The following KNOP1 variants were observed in gnomAD, a reference collection of about 807,000 sequenced individuals.
KNOP1 encodes lysine rich nucleolar protein 1.
KNOP1 carries 20 observed loss-of-function variants against 30.6 expected under a neutral mutation model. The ratio of observed to expected loss-of-function variants is 0.65; its 90% CI spans 0.46 to 0.95. The LOEUF (loss-of-function observed/expected upper bound fraction) is 0.95. Among genes scored for constraint, KNOP1 ranks in the 40% least tolerant of loss-of-function variants. KNOP1 has a pLI of 0.00. For synonymous variants in KNOP1, 204 were observed against 210.0 expected (o/e 0.97, Z 0.25); for missense variants, 540 against 562.0 (o/e 0.96, Z 0.40).
At chr16:19,711,179 G>T (rs1298285206) in intron 3 of KNOP1, among the ~76,000 whole-genome samples, 193 bp downstream of exon 3, 2 of 152,228 alleles carry the variant, frequency 1.3e-5, no homozygotes, top group Non-Finnish European at 2.9e-5. Flanking sequence ...CAGCCGGAAG[G>T]GCCCCCAGCA....
intron 4 of KNOP1, 91 bp from the exon 5 acceptor site, chr16:19,707,312 G>T: frequency 2.0e-6 from 2 of 1,001,816 alleles, no homozygotes; most frequent in Non-Finnish European, 3.0e-6. Flanking sequence ...GGGCCCAGCA[G>T]ATTAGATGGC....
chr16:19,713,047 C>A (rs1976800148), intron 2 of KNOP1, among the ~76,000 whole-genome samples: 1 of 152,200 alleles, frequency 6.6e-6, no homozygotes, highest in Non-Finnish European at 1.5e-5. Context: ...TGCCTCCCCG[C>A]ATCTCAGACG....
At chr16:19,711,784 C>T (rs1361203196) in intron 2 of KNOP1, 11 of 343,174 alleles carry the variant, frequency 3.2e-5, no homozygotes, top group Middle Eastern at 9.7e-4. Flanking sequence ...CCACTACACA[C>T]GTCACCTACC....
At chr16:19,707,693 C>G (rs1288391145) in intron 4 of KNOP1, among the ~76,000 whole-genome samples, 1 of 121,310 alleles carries the variant, frequency 8.2e-6, no homozygotes, top group African/African-American at 3.2e-5. Flanking sequence ...CAGCACACTC[C>G]CCCACCACTC....
intron 2 of KNOP1, among the ~76,000 whole-genome samples, chr16:19,713,104 T>TA (rs1976804831): frequency 6.9e-6 from 1 of 145,666 alleles, no homozygotes; most frequent in Admixed American, 6.8e-5. Context: ...TCACCTCAAG[T>TA]TTTTTTTTTT....
rs1976934633 is a variant in KNOP1 at position 19,714,885 on chromosome 16, T to TA, written c.150dup (p.Lys51Ter). On this transcript the variant is annotated frameshift_variant, in exon 2 of 5. Coordinates refer to ENST00000219837, the MANE Select transcript of KNOP1 (RefSeq NM_001012991.3). LOFTEE classifies it high-confidence loss of function. Reference sequence around the variant, plus strand: ...GGTGCCTGCCCATGGGCCACACTCTTAGAGGGGGATGTAGCTCTTAAAGGA... The same window carrying TA: ...GGTGCCTGCCCATGGGCCACACTCTTAAGAGGGGGATGTAGCTCTTAAAGGA... 1 of 1,613,924 alleles carries TA rather than the reference T, an allele frequency of 6.2e-7. No individual in the cohort carries two copies. The highest frequency in any genetic ancestry group is 8.5e-7 in the Non-Finnish European group (1 of 1,179,972).
At chr16:19,717,209 G>A in intron 1 of KNOP1, 1 of 593,006 alleles carries the variant, frequency 1.7e-6, no homozygotes, top group Non-Finnish European at 2.1e-6. Context: ...TATATTTAGG[G>A]TTCGGTACTG....
intron 4 of KNOP1, among the ~76,000 whole-genome samples, chr16:19,708,878 C>T (rs545177014): frequency 9.9e-5 from 15 of 152,264 alleles, no homozygotes; most frequent in Non-Finnish European, 1.5e-4. Context: ...GCTGGTCCTG[C>T]GTGAACCAGC....
rs781130645 is a variant in KNOP1, at chr16:19,710,592, CAAG to C, written c.988-9_988-7del. 47 of 1,611,172 alleles carry C rather than the reference CAAG, an allele frequency of 2.9e-5. No individual in the cohort carries two copies. In the South Asian group the frequency reaches 4.7e-4, roughly 16 times the overall value. ...TGCAAGGCCTTTCGCCTCACCTGAGCAAGAAGGATGACAGAAGAGGGCCGTCAG... is the reference window on the plus strand; with the variant it reads ...TGCAAGGCCTTTCGCCTCACCTGAGCAAGGATGACAGAAGAGGGCCGTCAG... On this transcript the variant is annotated splice_region_variant and splice_polypyrimidine_tract_variant and intron_variant, in intron 3 of 4. Coordinates refer to ENST00000219837, the MANE Select transcript of KNOP1 (RefSeq NM_001012991.3).
chr16:19,713,337 C>G (rs1353320269), intron 2 of KNOP1, among the ~76,000 whole-genome samples: 2 of 152,204 alleles, frequency 1.3e-5, no homozygotes, highest in African/African-American at 4.8e-5. Context: ...AAGTGATCTG[C>G]CTGCCTTGGT....
Position 19,711,414 on chromosome 16 carries a change from C to A in KNOP1, c.945G>T (p.Val315=). 1 of 1,614,162 alleles carries A rather than the reference C, an allele frequency of 6.2e-7. No homozygotes were observed. Among genetic ancestry groups the A allele is most frequent in the Non-Finnish European group, 8.5e-7 (1 of 1,180,026 alleles). Residue 315 remains valine (V), a synonymous_variant, in exon 3 of 5, where the codon GTG becomes GTT. Transcript: ENST00000219837. ...CATCCATGTTGCCTTTTTTTTCCAA[C>A]ACCACCTCTAAGTCCGTGTCTGTTT... ...KEETDTDLEV[V]LEKKGNMDEA... is the part of the protein sequence containing the mutation.
rs1446566937 is a variant in KNOP1 at position 19,707,214 on chromosome 16, T to A, written c.1073A>T (p.Gln358Leu). Reference protein sequence around the residue: ...ASETRKWTGTQFGQWDTAGFE... With the variant: ...ASETRKWTGTLFGQWDTAGFE... ...ACCAGCAGTATCCCACTGGCCAAAC[T>A]GGGTTCCCTGTGAGGAGAGGAAAAA... Residue 358 changes from glutamine to leucine, a missense_variant, in exon 5 of 5, where the codon CAG becomes CTG. By Grantham distance (113) the Gln-to-Leu change is moderately radical. Coordinates refer to ENST00000219837, the MANE Select transcript of KNOP1 (RefSeq NM_001012991.3). 1 of 1,611,884 alleles carries A rather than the reference T, an allele frequency of 6.2e-7. No homozygotes were observed. Among genetic ancestry groups the A allele is most frequent in the Non-Finnish European group, 8.5e-7 (1 of 1,179,786 alleles).
rs976816818 is a variant in KNOP1, at chr16:19,702,707, T to C, written c.*4203A>G. ...CCAGAATTGTAGAAAATAAAAATGA[T>C]GGGGCCTGGGTGCGGTGGCTCATGC... On this transcript the variant is annotated 3_prime_UTR_variant, in exon 5 of 5. Coordinates refer to ENST00000219837, the MANE Select transcript of KNOP1 (RefSeq NM_001012991.3). 1 of 152,094 alleles carries C rather than the reference T, an allele frequency of 6.6e-6. No individual in the cohort carries two copies. Among genetic ancestry groups the C allele is most frequent in the Non-Finnish European group, 1.5e-5 (1 of 68,028 alleles). 9.4% of individuals were successfully genotyped at this position (152,094 alleles called of 1,614,324 possible).
Position 19,705,968 on chromosome 16 carries a change from T to C in KNOP1, c.*942A>G, listed in dbSNP as rs1329207022. 1 of 152,258 alleles carries C rather than the reference T, an allele frequency of 6.6e-6. No homozygotes were observed. The highest frequency in any genetic ancestry group is 1.5e-5 in the Non-Finnish European group (1 of 68,100). The allele number at this position is 152,258 out of a possible 1,614,324, so 9.4% of individuals were successfully genotyped here. A position where few individuals can be genotyped will look rare whatever the true frequency, so the allele number is the denominator to read the frequency against. On this transcript the variant is annotated 3_prime_UTR_variant, in exon 5 of 5. Transcript: ENST00000219837. ...AACCACTCTTCCTAAAATGCCTTGT[T>C]CAGAATCCAGTCAAAGCACAAAAAT...
chr16:19,710,394 C>T (rs781384473), intron 4 of KNOP1, 115 bp downstream of exon 4: 8 of 1,009,352 alleles, frequency 7.9e-6, no homozygotes, highest in Admixed American at 3.4e-5. Context: ...CTAGGGCTGC[C>T]TCTGGGGCCT....
chr16:19,717,492 A>G (rs1977220127), intron 1 of KNOP1: 1 of 985,202 alleles, frequency 1.0e-6, no homozygotes, highest in Non-Finnish European at 1.2e-6. Context: ...AGATCTGGTA[A>G]GAACAAAGAA....
Position 19,710,573 on chromosome 16 carries a change from GCCTTTCGCCTCA to G in KNOP1, c.989_1000del (p.Val330_Lys333del). ...CTCGCGATCGATCTCTTCTTGCAAG[GCCTTTCGCCTCA>G]CCTGAGCAAGAAGGATGACAGAAGA... On this transcript the variant is annotated inframe_deletion and splice_region_variant, in exon 4 of 5. Transcript: ENST00000219837. 6.2e-7 allele frequency: 1 copy of G among 1,612,194 alleles called. No individual in the cohort carries two copies. The highest frequency in any genetic ancestry group is 1.7e-5 in the Admixed American group (1 of 60,016).
At chr16:19,708,138 C>A (rs970956888) in intron 4 of KNOP1, among the ~76,000 whole-genome samples, 1 of 151,218 alleles carries the variant, frequency 6.6e-6, no homozygotes, top group Non-Finnish European at 1.5e-5. Context: ...TGGGAGAGGG[C>A]GAGTGGGAAT....
intron 4 of KNOP1, among the ~76,000 whole-genome samples, chr16:19,708,401 G>A (rs1044204316): frequency 2.0e-5 from 3 of 152,032 alleles, no homozygotes; most frequent in Non-Finnish European, 4.4e-5. Context: ...AGGCAGCCCC[G>A]GGAGGAAGCC....
Sources: allele counts gnomAD v4.1 joint callset (sites outside exome capture counted in the v4.1 genomes callset), GRCh38; gene constraint gnomAD v4.1.1; transcripts MANE v1.5; gene names NCBI Gene and HGNC (gene_info 2026-07-23, HGNC 2026-07-21).